Variants in MCF2L observed in about 807,000 individuals in gnomAD.
The protein encoded by MCF2L is guanine nucleotide exchange factor DBS.
In MCF2L, 97 loss-of-function variants were observed where a neutral mutation model predicts 153.4. The ratio of observed to expected loss-of-function variants is 0.63; its 90% CI spans 0.54 to 0.75. The LOEUF is 0.75. MCF2L is among the 30% of genes least tolerant of loss of function. MCF2L has a pLI of 0.00. For missense variants in MCF2L, 1,347 were observed against 1,495.2 expected, an observed-to-expected ratio of 0.90 and a Z score of 1.64; for synonymous variants, 659 against 632.2, an observed-to-expected ratio of 1.04 and a Z score of -0.64.
At chr13:112,977,113 G>T (rs919515277) in intron 1 of MCF2L, among the ~76,000 whole-genome samples, 3 of 152,160 alleles carry the variant, frequency 2.0e-5, no homozygotes, top group Admixed American at 1.3e-4. Context: ...ATTTAAGACC[G>T]GCCCTAAACA....
chr13:112,899,005 G>A (rs996100648), intron 1 of MCF2L, among the ~76,000 whole-genome samples: 3 of 152,112 alleles, frequency 2.0e-5, no homozygotes, highest in Admixed American at 2.0e-4. Context: ...GTCTGCCCCC[G>A]CTTGGTGGTG....
intron 11 of MCF2L, among the ~76,000 whole-genome samples, chr13:113,075,427 A>T (rs1365842629): frequency 5.3e-5 from 8 of 150,900 alleles, no homozygotes; most frequent in Admixed American, 4.6e-4. Flanking sequence ...CCTGGGCTCA[A>T]GGGATCCTCC....
At chr13:112,958,474 A>G (rs946975710) in intron 2 of MCF2L, among the ~76,000 whole-genome samples, 2 of 152,226 alleles carry the variant, frequency 1.3e-5, no homozygotes, top group Non-Finnish European at 1.5e-5. Context: ...TTAATCAGCC[A>G]CATCCACACG....
At chr13:113,095,600 T>A in intron 27 of MCF2L, 1 of 995,258 alleles carries the variant, frequency 1.0e-6, no homozygotes, top group Non-Finnish European at 1.2e-6. Context: ...CACCGTCCTC[T>A]TGCTCCAGGC....
At chr13:112,938,279 C>T (rs1417022960) in intron 2 of MCF2L, among the ~76,000 whole-genome samples, 4 of 145,678 alleles carry the variant, frequency 2.7e-5, no homozygotes, top group South Asian at 2.3e-4. Context: ...TTCAGGTGAG[C>T]GCTGATGGGT....
rs980409118 is a variant in MCF2L, at chr13:113,074,257, G to A, written c.997-187G>A. Among the ~76,000 whole-genome samples, 19 of 152,086 alleles carry A rather than the reference G, an allele frequency of 1.2e-4. No homozygotes were observed. The highest frequency in any genetic ancestry group is 4.6e-4 in the African/African-American group (19 of 41,402). Reference sequence around the variant, plus strand: ...GGTAGCGTCGACCCAGAGGCCCCACGGTCCCCGCTTGATTGGTGACCACTC... The same window carrying A: ...GGTAGCGTCGACCCAGAGGCCCCACAGTCCCCGCTTGATTGGTGACCACTC... On this transcript the variant is annotated intron_variant, in intron 9 of 29. Coordinates refer to ENST00000535094, the MANE Select transcript of MCF2L (RefSeq NM_001112732.3). This position sits in a 1 kb window ranked among gnomAD's most constrained non-coding sequence, Gnocchi z 4.2.
intron 4 of MCF2L, among the ~76,000 whole-genome samples, chr13:113,058,753 G>GGGCGC (rs1555377903): frequency 7.5e-6 from 1 of 133,502 alleles, no homozygotes; most frequent in Non-Finnish European, 1.6e-5. Flanking sequence ...TGGGCGCTGT[G>GGGCGC]TGTTTGGGGG....
upstream of MCF2L, chr13:112,968,689 C>T (rs1266353828): frequency 2.1e-6 from 3 of 1,433,454 alleles, no homozygotes; most frequent in South Asian, 4.3e-5. Context: ...TCTGCAGCTT[C>T]TACACCTGCC....
In MCF2L at chr13:113,045,494, G is replaced by A. The variant is rs2086756408; in HGVS notation, c.369+133G>A. 2.5e-6 allele frequency: 2 copies of A among 798,506 alleles called. No individual in the cohort carries two copies. Among genetic ancestry groups the A allele is most frequent in the African/African-American group, 1.7e-5 (1 of 58,728 alleles). 49.5% of individuals were successfully genotyped at this position (798,506 alleles called of 1,614,324 possible). Reference sequence around the variant, plus strand: ...GGACAGAGCCCAGTCCCGGCGGGTGGAGGCCGGCGCCAAGGCCCCCCCTGC... The same window carrying A: ...GGACAGAGCCCAGTCCCGGCGGGTGAAGGCCGGCGCCAAGGCCCCCCCTGC... On this transcript the variant is annotated intron_variant, in intron 4 of 29. Transcript: ENST00000535094. The surrounding 1 kb of genome is among the most constrained non-coding windows in gnomAD (Gnocchi z 4.2).
intron 2 of MCF2L, 116 bp downstream of exon 2, chr13:113,014,962 G>C (rs908936359): frequency 1.4e-5 from 12 of 846,276 alleles, no homozygotes; most frequent in African/African-American, 1.3e-4. Context: ...GCGAGGGGCT[G>C]TGTATTCACT....
In MCF2L at chr13:113,078,673, T is replaced by A; in HGVS notation, c.1742T>A (p.Met581Lys). The A allele has an allele frequency of 6.2e-7, 1 of 1,612,106 alleles. No homozygotes were observed. The highest frequency in any genetic ancestry group is 1.1e-5 in the South Asian group (1 of 90,850). Residue 581 changes from methionine (M) to lysine (K), a missense_variant, in exon 15 of 30, where the codon ATG (methionine) becomes AAG (lysine). Met to Lys is a moderately conservative substitution (Grantham distance 95). Around this residue, in one of 3 missense-constraint regions of MCF2L, gnomAD observed 820 missense variants for 921.2 expected, o/e 0.89. Coordinates refer to ENST00000535094, the MANE Select transcript of MCF2L (RefSeq NM_001112732.3). ...RGPYRRAKSE[M>K]SESRQGRGSA... ...CGCTGTTTTTCTCCCCAGAGTGAGA[T>A]GAGTGAGAGCCGGCAGGGCCGCGGC...
intron 2 of MCF2L, among the ~76,000 whole-genome samples, chr13:112,922,116 C>G (rs932859581): frequency 6.6e-6 from 1 of 152,210 alleles, no homozygotes; most frequent in Admixed American, 6.5e-5. Context: ...CCGGGAGCAG[C>G]CCCTGCCAGA....
intron 26 of MCF2L, chr13:113,090,207 T>G: frequency 6.7e-7 from 1 of 1,483,390 alleles, no homozygotes; most frequent in East Asian, 2.8e-5. Flanking sequence ...TGGTGGCGTC[T>G]GTCATGCATC....
intron 2 of MCF2L, among the ~76,000 whole-genome samples, chr13:112,946,709 A>G (rs546742950): frequency 2.0e-5 from 3 of 152,332 alleles, no homozygotes; most frequent in African/African-American, 7.2e-5. Context: ...TAAAGGGTGT[A>G]TTTAGGACTC....
intron 1 of MCF2L, among the ~76,000 whole-genome samples, chr13:112,999,511 T>C (rs1409507592): frequency 1.3e-5 from 2 of 152,196 alleles, no homozygotes; most frequent in Admixed American, 1.3e-4. Flanking sequence ...TCGGCTGATC[T>C]TTGCTCACTC....
chr13:112,964,017 C>T (rs1046985778), intron 2 of MCF2L, among the ~76,000 whole-genome samples: 5 of 151,782 alleles, frequency 3.3e-5, no homozygotes, highest in East Asian at 1.9e-4. Flanking sequence ...CTGACACATT[C>T]GATGTAACTG....
intron 1 of MCF2L, chr13:113,001,948 T>C: frequency 6.3e-7 from 1 of 1,594,556 alleles, no homozygotes; most frequent in Non-Finnish European, 8.5e-7. Flanking sequence ...TGCCGGGACC[T>C]CTGGGCGCTG....
rs573247287 is a variant in MCF2L at position 112,981,188 on chromosome 13, C to T, written c.79+11730C>T. Among the ~76,000 whole-genome samples, 5 of 152,134 alleles carry T rather than the reference C, an allele frequency of 3.3e-5. No individual in the cohort carries two copies. In the South Asian group the frequency reaches 8.3e-4, roughly 25 times the overall value. On this transcript the variant is annotated intron_variant, in intron 1 of 29. Transcript: ENST00000535094. ...TTCCTGCGCACTGGGGACCCCGACACGTCCCCTTCCTGTGCCTGAGAACTC... is the reference window on the plus strand; with the variant it reads ...TTCCTGCGCACTGGGGACCCCGACATGTCCCCTTCCTGTGCCTGAGAACTC...
chr13:112,992,508 G>A (rs1440468768), intron 1 of MCF2L, among the ~76,000 whole-genome samples: 2 of 152,334 alleles, frequency 1.3e-5, no homozygotes, highest in African/African-American at 2.4e-5. Context: ...AGACGTTCCC[G>A]CCGTGCGTCT....
Sources: allele counts gnomAD v4.1 joint callset (sites outside exome capture counted in the v4.1 genomes callset), GRCh38; gene constraint gnomAD v4.1.1; regional missense constraint gnomAD v4.1.1; non-coding constraint Gnocchi (gnomAD v3.1); transcripts MANE v1.5; gene names NCBI Gene and HGNC (gene_info 2026-07-23, HGNC 2026-07-21).